CNTNAP2: variants seen among roughly 807,000 people sequenced by gnomAD.
The protein encoded by CNTNAP2 is contactin-associated protein-like 2.
CNTNAP2 carries 98 observed loss-of-function variants against 155.2 expected under a neutral mutation model. That is an observed-to-expected ratio of 0.63 (90% CI 0.54 to 0.75). The LOEUF is 0.75. Ranked by LOEUF, CNTNAP2 falls within the 30% of genes least tolerant of loss-of-function variation. CNTNAP2 has a pLI of 0.00. For synonymous variants in CNTNAP2, 651 were observed against 631.2 expected (o/e 1.03, Z -0.47); for missense variants, 1,727 against 1,688.1 (o/e 1.02, Z -0.40).
At chr7:146,366,431 G>A (rs1191299789) in intron 1 of CNTNAP2, among the ~76,000 whole-genome samples, 6 of 152,054 alleles carry the variant, frequency 3.9e-5, no homozygotes, top group South Asian at 2.1e-4. Flanking sequence ...GACAAGGCAC[G>A]TCAATTGCTT....
At chr7:146,597,737 T>C (rs925117092) in intron 1 of CNTNAP2, among the ~76,000 whole-genome samples, 4 of 152,120 alleles carry the variant, frequency 2.6e-5, no homozygotes, top group Admixed American at 6.6e-5. Context: ...TAGATCAACA[T>C]TGTGGAGAAA....
chr7:146,605,697 A>T (rs1240121039), intron 1 of CNTNAP2, among the ~76,000 whole-genome samples: 1 of 152,200 alleles, frequency 6.6e-6, no homozygotes. Context: ...CAAAAAGAAG[A>T]TAGAATGAAG....
intron 16 of CNTNAP2, among the ~76,000 whole-genome samples, chr7:148,133,336 C>A (rs1002980377): frequency 2.0e-5 from 3 of 152,032 alleles, no homozygotes; most frequent in African/African-American, 4.8e-5. Flanking sequence ...GTGGCGTGCG[C>A]CTGTAACCCC....
At chr7:147,904,863 T>C (rs1799932460) in intron 14 of CNTNAP2, among the ~76,000 whole-genome samples, 1 of 151,304 alleles carries the variant, frequency 6.6e-6, no homozygotes, top group Non-Finnish European at 1.5e-5. Context: ...GAAGAGATCA[T>C]GATAATTTTT....
At chr7:148,040,222 A>G (rs546167607) in intron 15 of CNTNAP2, among the ~76,000 whole-genome samples, 66 of 152,352 alleles carry the variant, frequency 4.3e-4, no homozygotes, top group Admixed American at 3.8e-3. Flanking sequence ...AAATAAATGG[A>G]AAATTCTCCA....
intron 11 of CNTNAP2, among the ~76,000 whole-genome samples, chr7:147,541,923 T>G (rs1389029409): frequency 2.0e-5 from 3 of 152,136 alleles, no homozygotes; most frequent in African/African-American, 7.2e-5. Context: ...GATATACAGT[T>G]TTGGCCCAGA....
intron 12 of CNTNAP2, among the ~76,000 whole-genome samples, chr7:147,565,213 C>A (rs1434529014): frequency 6.6e-6 from 1 of 152,098 alleles, no homozygotes; most frequent in Non-Finnish European, 1.5e-5. Flanking sequence ...ATCAATCCCC[C>A]AGGGCACAAG....
chr7:148,217,754 GC>G (rs1795671466), intron 19 of CNTNAP2, among the ~76,000 whole-genome samples: 3 of 152,216 alleles, frequency 2.0e-5, no homozygotes, highest in Admixed American at 2.0e-4. Context: ...GAGGCATGTT[GC>G]GTTCTTTACA....
At chr7:146,430,931 G>A (rs912204326) in intron 1 of CNTNAP2, among the ~76,000 whole-genome samples, 5 of 151,984 alleles carry the variant, frequency 3.3e-5, no homozygotes, top group Non-Finnish European at 2.9e-5. Context: ...TCGTCACTGT[G>A]AGACATAGCA....
chr7:147,849,308 G>C (rs2116664208), intron 13 of CNTNAP2, among the ~76,000 whole-genome samples: 1 of 152,272 alleles, frequency 6.6e-6, no homozygotes, highest in Admixed American at 6.5e-5. Flanking sequence ...CCAACAGATT[G>C]AGTATTTTCA....
chr7:146,307,417 T>C (rs926992281), intron 1 of CNTNAP2, among the ~76,000 whole-genome samples: 4 of 152,158 alleles, frequency 2.6e-5, no homozygotes, highest in Non-Finnish European at 4.4e-5. Context: ...AGGTAATTTA[T>C]AGATTCAATG....
intron 4 of CNTNAP2, among the ~76,000 whole-genome samples, chr7:147,097,930 C>T (rs886720663): frequency 2.0e-5 from 3 of 152,172 alleles, no homozygotes; most frequent in Non-Finnish European, 4.4e-5. Flanking sequence ...CACCTGGAGT[C>T]AGCCACAACT....
chr7:147,113,093 A>G (rs1800915706), intron 5 of CNTNAP2, among the ~76,000 whole-genome samples: 1 of 151,806 alleles, frequency 6.6e-6, no homozygotes, highest in Non-Finnish European at 1.5e-5. Flanking sequence ...TAGGGAATCA[A>G]TTTCTTTCTG....
chr7:148,418,714 C>T lies in CNTNAP2; in HGVS notation c.*3098C>T, dbSNP rs1414139271. 2.6e-5 allele frequency: 4 copies of T among 152,116 alleles called. No individual in the cohort carries two copies. Among genetic ancestry groups the T allele is most frequent in the African/African-American group, 2.4e-5 (1 of 41,412 alleles). The allele number at this position is 152,116 out of a possible 1,614,324, so 9.4% of individuals were successfully genotyped here. A position where few individuals can be genotyped will look rare whatever the true frequency, so the allele number is the denominator to read the frequency against. ...CTTAATATTTAAAAATGTATTTCCC[C>T]TTGTGGCTTTCAACCACCTGCTCAA... On this transcript the variant is annotated 3_prime_UTR_variant, in exon 24 of 24. Transcript: ENST00000361727.
chr7:147,407,399 T>A (rs1584930591), intron 10 of CNTNAP2, among the ~76,000 whole-genome samples: 1 of 128,390 alleles, frequency 7.8e-6, no homozygotes, highest in Admixed American at 1.0e-4. Context: ...ACCCGGGAGG[T>A]GGAGGTTGCA....
At chr7:147,494,487 G>A (rs1461387822) in intron 11 of CNTNAP2, among the ~76,000 whole-genome samples, 68 of 75,994 alleles carry the variant, frequency 8.9e-4, no homozygotes, top group East Asian at 2.8e-3. Flanking sequence ...AAAAAAAAAA[G>A]TTGATCTGCA....
chr7:146,541,490 T>C lies in CNTNAP2; in HGVS notation c.98-232781T>C, dbSNP rs552196384. Among the ~76,000 whole-genome samples, 6 of 152,166 alleles carry C rather than the reference T, an allele frequency of 3.9e-5. No individual in the cohort carries two copies. In the South Asian group the frequency reaches 1.2e-3, roughly 32 times the overall value. On this transcript the variant is annotated intron_variant, in intron 1 of 23. Transcript: ENST00000361727. ...CCCAATTAAATGAAGATGAGTCATA[T>C]GACAGTAGGCAACTGTAGATAGTCT...
intron 1 of CNTNAP2, among the ~76,000 whole-genome samples, chr7:146,305,532 C>T (rs202009012): frequency 1.3e-4 from 20 of 152,184 alleles, no homozygotes; most frequent in African/African-American, 4.1e-4. Flanking sequence ...GTTGGAGTTT[C>T]CTGGAGGTCC....
chr7:146,308,254 A>T (rs1409522000), intron 1 of CNTNAP2, among the ~76,000 whole-genome samples: 2 of 152,194 alleles, frequency 1.3e-5, no homozygotes, highest in Admixed American at 1.3e-4. Context: ...CCATCAGAGA[A>T]ATGCAAATCA....
Sources: allele counts gnomAD v4.1 joint callset (sites outside exome capture counted in the v4.1 genomes callset), GRCh38; gene constraint gnomAD v4.1.1; transcripts MANE v1.5; gene names NCBI Gene and HGNC (gene_info 2026-07-23, HGNC 2026-07-21).